The following CENPW variants were observed in gnomAD, a reference collection of about 807,000 sequenced individuals.
The protein encoded by CENPW is cancer-up-regulated gene 2 protein.
A neutral mutation model predicts 11.1 loss-of-function variants in CENPW; 3 were observed. The observed-to-expected ratio is 0.27, with a 90% CI of 0.12 to 0.70. The LOEUF (loss-of-function observed/expected upper bound fraction) is 0.70, where lower values mean the gene tolerates loss of function less well. Ranked by LOEUF, CENPW falls within the 30% of genes least tolerant of loss-of-function variation. The probability of loss-of-function intolerance (pLI) is 0.77; values close to 1 mark genes in which losing one functional copy is unlikely to be tolerated. For synonymous variants in CENPW, 38 were observed against 42.0 expected (o/e 0.91, Z 0.37); for missense variants, 100 against 105.6 (o/e 0.95, Z 0.23).
chr6:126,375,971 A>C, the CENPW span, among the ~76,000 whole-genome samples: 17 of 152,168 alleles, frequency 1.1e-4, no homozygotes, highest in African/African-American at 4.1e-4. Context: ...CCATCAACCT[A>C]GTTCTCATTA....
the CENPW span, among the ~76,000 whole-genome samples, chr6:126,441,738 A>G: frequency 1.3e-5 from 2 of 151,628 alleles, no homozygotes; most frequent in African/African-American, 4.8e-5. Flanking sequence ...CCTCACTTGG[A>G]ATAATTGTCT....
the CENPW span, among the ~76,000 whole-genome samples, chr6:126,469,185 G>C: frequency 3.9e-5 from 6 of 152,282 alleles, no homozygotes; most frequent in Admixed American, 1.3e-4. Context: ...ACATGAGAAA[G>C]GAGAGACCTG....
chr6:126,361,782 C>G, the CENPW span, among the ~76,000 whole-genome samples: 1 of 152,166 alleles, frequency 6.6e-6, no homozygotes, highest in Non-Finnish European at 1.5e-5. Context: ...ATAGACTACA[C>G]TCTTTCTGAA....
At chr6:126,461,083 C>T in the CENPW span, among the ~76,000 whole-genome samples, 2 of 151,846 alleles carry the variant, frequency 1.3e-5, no homozygotes, top group Non-Finnish European at 2.9e-5. Flanking sequence ...TATGACCTGA[C>T]ACGGTTTGGC....
chr6:126,465,412 G>A, the CENPW span, among the ~76,000 whole-genome samples: 1 of 151,876 alleles, frequency 6.6e-6, no homozygotes, highest in Non-Finnish European at 1.5e-5. Flanking sequence ...CTATTGCATG[G>A]GTTAGAAAAC....
chr6:126,472,343 T>C, the CENPW span, among the ~76,000 whole-genome samples: 1 of 152,210 alleles, frequency 6.6e-6, no homozygotes, highest in Non-Finnish European at 1.5e-5. Context: ...CAGCTACTAC[T>C]GATTTGCCTT....
chr6:126,401,891 C>T, the CENPW span, among the ~76,000 whole-genome samples: 2 of 152,000 alleles, frequency 1.3e-5, no homozygotes, highest in Admixed American at 6.6e-5. Context: ...CTCAGCTGGT[C>T]CCCACTTTAC....
the CENPW span, among the ~76,000 whole-genome samples, chr6:126,386,678 T>C: frequency 4.2e-3 from 577 of 136,196 alleles, 1 homozygote; most frequent in Non-Finnish European, 5.0e-3. Flanking sequence ...TTTCAAATAA[T>C]TTATTTTTTT....
chr6:126,395,600 A>AT, the CENPW span, among the ~76,000 whole-genome samples: 2 of 151,886 alleles, frequency 1.3e-5, no homozygotes, highest in South Asian at 2.1e-4. Context: ...AGGCTTGCAG[A>AT]TTTTTTTTAT....
chr6:126,413,748 G>C, the CENPW span, among the ~76,000 whole-genome samples: 1 of 151,706 alleles, frequency 6.6e-6, no homozygotes, highest in East Asian at 1.9e-4. Context: ...AACAATAAGA[G>C]AGGAAGAAAG....
the CENPW span, among the ~76,000 whole-genome samples, chr6:126,394,972 G>T: frequency 6.6e-6 from 1 of 151,746 alleles, no homozygotes; most frequent in Non-Finnish European, 1.5e-5. Flanking sequence ...TTCTCTTGCT[G>T]CTTTTATCCT....
the CENPW span, among the ~76,000 whole-genome samples, chr6:126,448,487 G>A: frequency 6.6e-6 from 1 of 151,016 alleles, no homozygotes; most frequent in Admixed American, 6.6e-5. Context: ...AATCAAGTGT[G>A]GGGTAGTACT....
At chr6:126,433,778 G>T in the CENPW span, among the ~76,000 whole-genome samples, 1 of 152,030 alleles carries the variant, frequency 6.6e-6, no homozygotes, top group Non-Finnish European at 1.5e-5. Context: ...AGTCTTAAAA[G>T]TCTCAACCTT....
chr6:126,464,927 A>G, the CENPW span, among the ~76,000 whole-genome samples: 1 of 152,126 alleles, frequency 6.6e-6, no homozygotes, highest in African/African-American at 2.4e-5. Context: ...AAAAAACTGA[A>G]TGCTTTCTTT....
the CENPW span, among the ~76,000 whole-genome samples, chr6:126,415,228 A>T: frequency 2.6e-5 from 4 of 152,024 alleles, no homozygotes; most frequent in Non-Finnish European, 2.9e-5. Context: ...TTACATTATT[A>T]TCTCCTTAGA....
At chr6:126,419,764 G>C in the CENPW span, among the ~76,000 whole-genome samples, 1,086 of 152,114 alleles carry the variant, frequency 7.1e-3, 13 homozygotes, top group African/African-American at 0.025. Flanking sequence ...GTATTCTTTG[G>C]CTTGTGGTCT....
At chr6:126,456,035 C>T in the CENPW span, among the ~76,000 whole-genome samples, 1 of 151,064 alleles carries the variant, frequency 6.6e-6, no homozygotes, top group South Asian at 2.1e-4. Flanking sequence ...ATGAGAATTA[C>T]AAAACTCTTC....
chr6:126,451,444 G>A, the CENPW span, among the ~76,000 whole-genome samples: 1 of 151,080 alleles, frequency 6.6e-6, no homozygotes, highest in South Asian at 2.1e-4. Flanking sequence ...AAGAAAGAGA[G>A]ATCTCTAGGA....
chr6:126,367,044 A>C, the CENPW span, among the ~76,000 whole-genome samples: 3 of 152,198 alleles, frequency 2.0e-5, no homozygotes, highest in Admixed American at 6.5e-5. Flanking sequence ...TTAAATTTCC[A>C]ACACATGCAT....
Sources: gnomAD v4.1 joint callset for allele counts (sites outside exome capture counted in the v4.1 genomes callset) on GRCh38, gnomAD v4.1.1 for gene constraint, MANE v1.5 for transcripts, NCBI Gene and HGNC (gene_info 2026-07-23, HGNC 2026-07-21) for gene names.